FMN2: variants seen among roughly 807,000 people sequenced by gnomAD.
FMN2 encodes the protein formin-2.
A neutral mutation model predicts 142.3 loss-of-function variants in FMN2; 51 were observed. That is an observed-to-expected ratio of 0.36 (90% CI 0.29 to 0.45). The LOEUF (loss-of-function observed/expected upper bound fraction) is 0.45. FMN2 is among the 20% of genes least tolerant of loss of function. The pLI is 1.00. For synonymous variants in FMN2, 882 were observed against 869.8 expected (o/e 1.01, Z -0.25); for missense variants, 1,936 against 2,122.8 (o/e 0.91, Z 1.73).
At chr1:240,198,708 A>AT (rs1297324399) in intron 4 of FMN2, among the ~76,000 whole-genome samples, 1 of 151,984 alleles carries the variant, frequency 6.6e-6, no homozygotes, top group Non-Finnish European at 1.5e-5. Context: ...AATTATATCT[A>AT]TATAACACCT....
At chr1:240,445,263 A>G (rs1675768029) in intron 16 of FMN2, among the ~76,000 whole-genome samples, 2 of 152,374 alleles carry the variant, frequency 1.3e-5, no homozygotes, top group South Asian at 4.1e-4. Context: ...ATTCCTGGCC[A>G]TGTGGATCTT....
chr1:240,197,286 C>T (rs1180419550), intron 4 of FMN2, among the ~76,000 whole-genome samples: 20 of 152,156 alleles, frequency 1.3e-4, no homozygotes, highest in Non-Finnish European at 2.5e-4. Context: ...GTGGTGCTCC[C>T]CTTTTCCCAA....
At position 240,279,127 on chromosome 1, in the gene FMN2, A is replaced by G. The variant is rs149856844; in HGVS notation, c.4154-15695A>G. Among the ~76,000 whole-genome samples, 7 of 152,218 alleles carry G rather than the reference A, an allele frequency of 4.6e-5. No homozygotes were observed. The East Asian group carries it at 9.7e-4, about 21-fold the overall frequency. On this transcript the variant is annotated intron_variant, in intron 7 of 17. Transcript: ENST00000319653. ...ATTCACGGTGCCTGAGGTAGGTTAA[A>G]CCTTCCTCCAACCAATGGTTTCCAT...
intron 7 of FMN2, among the ~76,000 whole-genome samples, chr1:240,263,214 A>G (rs556033657): frequency 6.6e-6 from 1 of 152,310 alleles, no homozygotes; most frequent in South Asian, 2.1e-4. Flanking sequence ...CCTGCTTCAT[A>G]AACTTGAGGT....
chr1:240,103,684 C>A (rs954002265), intron 1 of FMN2, among the ~76,000 whole-genome samples: 5 of 152,126 alleles, frequency 3.3e-5, no homozygotes, highest in African/African-American at 7.2e-5. Context: ...TCCCTATCAA[C>A]AGCCTCCTCA....
At chr1:240,408,294 C>T (rs1572276552) in intron 15 of FMN2, among the ~76,000 whole-genome samples, 1 of 151,982 alleles carries the variant, frequency 6.6e-6, no homozygotes, top group Non-Finnish European at 1.5e-5. Flanking sequence ...AGCAACTAGG[C>T]CAAACATTCT....
At chr1:240,397,785 C>CAAAAAAA (rs35826717) in intron 15 of FMN2, among the ~76,000 whole-genome samples, 19 of 46,790 alleles carry the variant, frequency 4.1e-4, no homozygotes, top group East Asian at 3.2e-3. Flanking sequence ...GACTCCTTCT[C>CAAAAAAA]AAAAAAAAAA....
intron 15 of FMN2, among the ~76,000 whole-genome samples, chr1:240,436,205 A>G (rs1167030862): frequency 6.6e-6 from 1 of 152,160 alleles, no homozygotes; most frequent in Non-Finnish European, 1.5e-5. Flanking sequence ...TATGCACTTC[A>G]CAGCCTGACT....
At chr1:240,300,625 TAA>T (rs1349092217) in intron 8 of FMN2, among the ~76,000 whole-genome samples, 1 of 152,046 alleles carries the variant, frequency 6.6e-6, no homozygotes. Flanking sequence ...GAAAACAAAA[TAA>T]AGAGACATAT....
chr1:240,114,655 T>TG lies in FMN2; in HGVS notation c.1616-8524_1616-8523insG, dbSNP rs1172303023. 5.9e-3 allele frequency among the ~76,000 whole-genome samples: 863 copies of TG among 147,022 alleles called. 32 individuals carry two copies. The highest frequency in any genetic ancestry group is 0.017 in the South Asian group (78 of 4,616). On this transcript the variant is annotated intron_variant, in intron 1 of 17. Transcript: ENST00000319653. Reference sequence around the variant, plus strand: ...ATGGTGATTTTCTAATTATATCATTTCTTTTTTTTTTTTTTTTTTGAGACA... The same window carrying TG: ...ATGGTGATTTTCTAATTATATCATTTGCTTTTTTTTTTTTTTTTTTGAGACA...
chr1:240,205,555 A>G (rs374265573), intron 4 of FMN2, among the ~76,000 whole-genome samples: 2,463 of 138,094 alleles, frequency 0.018, 54 homozygotes, highest in African/African-American at 0.065. Flanking sequence ...TCCGCCTCCC[A>G]GGTTCATGCC....
intron 15 of FMN2, among the ~76,000 whole-genome samples, chr1:240,412,707 C>A (rs867842954): frequency 2.6e-5 from 4 of 152,224 alleles, no homozygotes; most frequent in African/African-American, 9.6e-5. Context: ...GAAGACCAGA[C>A]ATAGGGAGGC....
chr1:240,234,297 C>T (rs937854580), intron 6 of FMN2, among the ~76,000 whole-genome samples: 19 of 152,072 alleles, frequency 1.2e-4, no homozygotes, highest in Non-Finnish European at 1.8e-4. Flanking sequence ...ACCTTCTTCC[C>T]GATGACCCCT....
chr1:240,226,424 AC>A (rs1667303002), intron 6 of FMN2, among the ~76,000 whole-genome samples: 1 of 152,238 alleles, frequency 6.6e-6, no homozygotes, highest in East Asian at 1.9e-4. Context: ...CAGTCATCTT[AC>A]ATCCAGTGAG....
chr1:240,303,972 T>G (rs2102977003), intron 8 of FMN2, among the ~76,000 whole-genome samples: 1 of 152,298 alleles, frequency 6.6e-6, no homozygotes, highest in Non-Finnish European at 1.5e-5. Flanking sequence ...TTTATGTTAG[T>G]TATTGTATTT....
chr1:240,215,828 C>A (rs974293585), intron 6 of FMN2, among the ~76,000 whole-genome samples: 1 of 152,138 alleles, frequency 6.6e-6, no homozygotes, highest in African/African-American at 2.4e-5. Flanking sequence ...CCTGCCTCAG[C>A]CTCCCAAGTA....
chr1:240,307,486 A>G (rs1350108771), intron 8 of FMN2, among the ~76,000 whole-genome samples: 1 of 152,208 alleles, frequency 6.6e-6, no homozygotes, highest in South Asian at 2.1e-4. Flanking sequence ...TCACAACACC[A>G]TTGATTGAAC....
chr1:240,370,396 T>C (rs972995254), intron 14 of FMN2, among the ~76,000 whole-genome samples: 1 of 152,222 alleles, frequency 6.6e-6, no homozygotes, highest in Admixed American at 6.5e-5. Flanking sequence ...TATTTCACTA[T>C]AAAAATGCAC....
intron 2 of FMN2, among the ~76,000 whole-genome samples, chr1:240,160,639 A>G (rs760508125): frequency 1.3e-5 from 2 of 151,934 alleles, no homozygotes; most frequent in Non-Finnish European, 2.9e-5. Context: ...AATTATAAGA[A>G]ATCTACAGCA....
Sources: gnomAD v4.1 joint callset for allele counts (sites outside exome capture counted in the v4.1 genomes callset) on GRCh38, gnomAD v4.1.1 for gene constraint, MANE v1.5 for transcripts, NCBI Gene and HGNC (gene_info 2026-07-23, HGNC 2026-07-21) for gene names.